The following PRKN variants were observed in gnomAD, a reference collection of about 807,000 sequenced individuals.
The protein encoded by PRKN is E3 ubiquitin-protein ligase parkin.
A neutral mutation model predicts 59.5 loss-of-function variants in PRKN; 56 were observed. The observed-to-expected ratio is 0.94, with a 90% CI of 0.76 to 1.18. The LOEUF (loss-of-function observed/expected upper bound fraction) is 1.18. Ranked by LOEUF, PRKN falls within the 50% of genes most tolerant of loss-of-function variation. The pLI, the probability that PRKN is intolerant of heterozygous loss-of-function variation, is 0.00. For synonymous variants in PRKN, 250 were observed against 222.1 expected, an observed-to-expected ratio of 1.13 and a Z score of -1.12; for missense variants, 657 against 596.4, an observed-to-expected ratio of 1.10 and a Z score of -1.06.
At chr6:161,840,791 T>C (rs959360486) in intron 6 of PRKN, among the ~76,000 whole-genome samples, 2 of 152,014 alleles carry the variant, frequency 1.3e-5, no homozygotes, top group African/African-American at 4.8e-5. Context: ...GGTCTCATTC[T>C]TTTTTTTGGC....
rs1332332121 is a variant in PRKN at position 161,456,520 on chromosome 6, C to T, written c.1084-69643G>A. On this transcript the variant is annotated intron_variant, in intron 9 of 11. Coordinates refer to ENST00000366898, the MANE Select transcript of PRKN (RefSeq NM_004562.3). This position sits in a 1 kb window ranked among gnomAD's most constrained non-coding sequence, Gnocchi z 4.8. ...AGCTTGCAGACAGTCTATTGTGGGA[C>T]TTCTCCTTGTGATCGTGTGAGTCAA... Among the ~76,000 whole-genome samples, 1 of 152,194 alleles carries T rather than the reference C, an allele frequency of 6.6e-6. No homozygotes were observed. Among genetic ancestry groups the T allele is most frequent in the Non-Finnish European group, 1.5e-5 (1 of 68,034 alleles).
rs1028771775 is a variant in PRKN, at chr6:161,545,299, G to A, written c.1083+3555C>T. 1 of 1,535,470 alleles carries A rather than the reference G, an allele frequency of 6.5e-7. No individual in the cohort carries two copies. Among genetic ancestry groups the A allele is most frequent in the Admixed American group, 2.0e-5 (1 of 49,054 alleles). ...CATCCTGATAATCACTGGAGTTAAT[G>A]ACGTCTAGGGCTTTTTCCACATCTG... On this transcript the variant is annotated intron_variant, in intron 9 of 11. Transcript: ENST00000366898. The surrounding 1 kb of genome is among the most constrained non-coding windows in gnomAD (Gnocchi z 4.1).
intron 6 of PRKN, among the ~76,000 whole-genome samples, chr6:161,913,215 C>T (rs973661266): frequency 6.8e-6 from 1 of 147,248 alleles, no homozygotes; most frequent in Admixed American, 6.8e-5. Flanking sequence ...TATAATGTGG[C>T]AATAGATAGC....
At chr6:162,700,293 C>T (rs1778107135) in intron 1 of PRKN, among the ~76,000 whole-genome samples, 1 of 152,074 alleles carries the variant, frequency 6.6e-6, no homozygotes, top group South Asian at 2.1e-4. Context: ...AAGCTTTGTC[C>T]CCATACCATT....
chr6:161,576,945 A>G lies in PRKN; in HGVS notation c.872-7529T>C, dbSNP rs1331000751. Among the ~76,000 whole-genome samples, 1 of 152,230 alleles carries G rather than the reference A, an allele frequency of 6.6e-6. No individual in the cohort carries two copies. Among genetic ancestry groups the G allele is most frequent in the Non-Finnish European group, 1.5e-5 (1 of 68,034 alleles). On this transcript the variant is annotated intron_variant, in intron 7 of 11. Transcript: ENST00000366898. The surrounding 1 kb of genome is among the most constrained non-coding windows in gnomAD (Gnocchi z 4.6). Reference sequence around the variant, plus strand: ...ATGTCATTTACAGAAAGTTTAGAGAATCTATTAAACAATGTCGATGCACGC... The same window carrying G: ...ATGTCATTTACAGAAAGTTTAGAGAGTCTATTAAACAATGTCGATGCACGC...
chr6:162,053,418 G>A (rs1348023598), intron 5 of PRKN, among the ~76,000 whole-genome samples: 2 of 151,930 alleles, frequency 1.3e-5, no homozygotes, highest in African/African-American at 4.8e-5. Flanking sequence ...CGAGTTTTGA[G>A]GTTAAAAAAA....
chr6:162,648,111 C>T (rs1368399560), intron 1 of PRKN, among the ~76,000 whole-genome samples: 2 of 151,846 alleles, frequency 1.3e-5, no homozygotes, highest in Non-Finnish European at 2.9e-5. Flanking sequence ...TGTAAAAAGA[C>T]GAGCGATGTA....
intron 3 of PRKN, among the ~76,000 whole-genome samples, chr6:162,215,040 T>C (rs576954316): frequency 3.9e-4 from 59 of 152,196 alleles, no homozygotes; most frequent in African/African-American, 1.3e-3. Flanking sequence ...TGCAACCTTA[T>C]TGGGCCCAGA....
intron 4 of PRKN, among the ~76,000 whole-genome samples, chr6:162,169,101 G>C (rs1419833811): frequency 1.3e-5 from 2 of 152,152 alleles, no homozygotes; most frequent in African/African-American, 4.8e-5. Flanking sequence ...CTTCCCGTAA[G>C]ATGAGAGGTC....
intron 2 of PRKN, among the ~76,000 whole-genome samples, chr6:162,300,371 A>G (rs1781887987): frequency 6.6e-6 from 1 of 152,138 alleles, no homozygotes; most frequent in Non-Finnish European, 1.5e-5. Flanking sequence ...ACAGTTATCC[A>G]TTCCACCTCT....
At chr6:161,798,057 C>T (rs142973536) in intron 6 of PRKN, among the ~76,000 whole-genome samples, 1 of 152,038 alleles carries the variant, frequency 6.6e-6, no homozygotes, top group African/African-American at 2.4e-5. Flanking sequence ...AAAAATTAAT[C>T]GGGCGTGGTG....
chr6:162,325,764 T>C (rs1783239316), intron 2 of PRKN, among the ~76,000 whole-genome samples: 1 of 152,222 alleles, frequency 6.6e-6, no homozygotes, highest in Non-Finnish European at 1.5e-5. Flanking sequence ...AAGTTATTAT[T>C]TTGCAAGTTT....
At chr6:161,645,928 T>TGCGC (rs1318247915) in intron 7 of PRKN, among the ~76,000 whole-genome samples, 2 of 150,066 alleles carry the variant, frequency 1.3e-5, no homozygotes, top group Non-Finnish European at 3.0e-5. Context: ...CAGTGGTGAC[T>TGCGC]GCGTGTGCAT....
At chr6:162,234,776 G>T (rs761379493) in intron 3 of PRKN, among the ~76,000 whole-genome samples, 2 of 152,202 alleles carry the variant, frequency 1.3e-5, no homozygotes, top group Admixed American at 6.5e-5. Flanking sequence ...GCAGACTGTG[G>T]TGACAGACAC....
intron 1 of PRKN, among the ~76,000 whole-genome samples, chr6:162,711,433 A>AT (rs1778532882): frequency 6.6e-6 from 1 of 151,306 alleles, no homozygotes; most frequent in Admixed American, 6.6e-5. Context: ...AAAAAAAAAA[A>AT]AACCAGGAAA....
At chr6:162,168,586 A>T (rs1325542125) in intron 4 of PRKN, among the ~76,000 whole-genome samples, 1 of 149,892 alleles carries the variant, frequency 6.7e-6, no homozygotes, top group Admixed American at 6.6e-5. Context: ...AAAAAAATCA[A>T]AGCAGCATTT....
In PRKN at chr6:161,480,371, A is replaced by G. The variant is rs1791332837; in HGVS notation, c.1083+68483T>C. Among the ~76,000 whole-genome samples, 2 of 152,106 alleles carry G rather than the reference A, an allele frequency of 1.3e-5. No individual in the cohort carries two copies. The highest frequency in any genetic ancestry group is 4.1e-4 in the South Asian group (2 of 4,822). ...CCCTGTGTGACTGTACAGGTCGCAC[A>G]CTCCAAGCTGGCCCTATTTTCCTAT... On this transcript the variant is annotated intron_variant, in intron 9 of 11. Transcript: ENST00000366898. The surrounding 1 kb of genome is among the most constrained non-coding windows in gnomAD (Gnocchi z 4.1).
At chr6:162,583,942 G>A (rs529875923) in intron 1 of PRKN, among the ~76,000 whole-genome samples, 73 of 152,224 alleles carry the variant, frequency 4.8e-4, no homozygotes, top group Non-Finnish European at 7.6e-4. Flanking sequence ...AGCTGGGCGC[G>A]GTGGCTCACG....
intron 4 of PRKN, among the ~76,000 whole-genome samples, chr6:162,112,075 T>A (rs1780462731): frequency 6.6e-6 from 1 of 152,234 alleles, no homozygotes; most frequent in African/African-American, 2.4e-5. Flanking sequence ...CATTCAACAC[T>A]CTCAATACTT....
Sources: gnomAD v4.1 joint callset for allele counts (sites outside exome capture counted in the v4.1 genomes callset) on GRCh38, gnomAD v4.1.1 for gene constraint, Gnocchi (gnomAD v3.1) non-coding constraint, MANE v1.5 for transcripts, NCBI Gene and HGNC (gene_info 2026-07-23, HGNC 2026-07-21) for gene names.